Variants in ZNF532 observed in about 807,000 individuals in gnomAD.
ZNF532 encodes the protein zinc finger protein 532.
ZNF532 carries 22 observed loss-of-function variants against 89.3 expected under a neutral mutation model. The ratio of observed to expected loss-of-function variants is 0.25; its 90% CI spans 0.18 to 0.35. The LOEUF is 0.35. ZNF532 is among the 10% of genes least tolerant of loss of function. The pLI is 1.00. For missense variants in ZNF532, 1,132 were observed against 1,643.4 expected (o/e 0.69, Z 5.38); for synonymous variants, 606 against 649.6 (o/e 0.93, Z 1.02).
chr18:58,869,406 A>C (rs1002437663), intron 2 of ZNF532, among the ~76,000 whole-genome samples: 2 of 152,216 alleles, frequency 1.3e-5, no homozygotes, highest in Non-Finnish European at 2.9e-5. Flanking sequence ...GAAACAGAAA[A>C]CTGCAAGTGG....
chr18:58,941,962 CT>C (rs2063095184), intron 5 of ZNF532, among the ~76,000 whole-genome samples: 1 of 133,232 alleles, frequency 7.5e-6, no homozygotes, highest in South Asian at 2.7e-4. Context: ...CTCCCTCCCT[CT>C]CTCCCTCCCT....
At chr18:58,935,782 G>A (rs1221308799) in intron 4 of ZNF532, among the ~76,000 whole-genome samples, 3 of 151,636 alleles carry the variant, frequency 2.0e-5, no homozygotes, top group African/African-American at 7.3e-5. Context: ...TGTATTATAT[G>A]TTTATCTTAA....
At chr18:58,928,471 G>A (rs1415859718) in intron 3 of ZNF532, among the ~76,000 whole-genome samples, 1 of 152,138 alleles carries the variant, frequency 6.6e-6, no homozygotes, top group East Asian at 1.9e-4. Flanking sequence ...GGAATATATG[G>A]TTTTAGCTCG....
intron 9 of ZNF532, among the ~76,000 whole-genome samples, chr18:58,981,827 A>C (rs2067809621): frequency 6.6e-6 from 1 of 151,992 alleles, no homozygotes. Flanking sequence ...ACATGGTGTA[A>C]CCTCATCTCT....
chr18:58,962,294 A>G lies in ZNF532; in HGVS notation c.3150+8495A>G, dbSNP rs146104469. 9.9e-5 allele frequency among the ~76,000 whole-genome samples: 15 copies of G among 152,244 alleles called. No homozygotes were observed. In the East Asian group the frequency reaches 1.7e-3, roughly 18 times the overall value. ...TCGGACACTGGAATGAAAGGAAACTACCAGTGGTAATCTATGTAGTAGCCA... is the reference window on the plus strand; with the variant it reads ...TCGGACACTGGAATGAAAGGAAACTGCCAGTGGTAATCTATGTAGTAGCCA... On this transcript the variant is annotated intron_variant, in intron 7 of 9. Coordinates refer to ENST00000591808, the MANE Select transcript of ZNF532 (RefSeq NM_001375912.1).
intron 3 of ZNF532, among the ~76,000 whole-genome samples, chr18:58,921,623 T>C (rs1235603517): frequency 6.6e-6 from 1 of 152,262 alleles, no homozygotes; most frequent in African/African-American, 2.4e-5. Flanking sequence ...TCAATGTTGG[T>C]GAATTACATT....
intron 2 of ZNF532, among the ~76,000 whole-genome samples, chr18:58,866,542 T>TA (rs2056478183): frequency 1.3e-5 from 2 of 152,170 alleles, no homozygotes; most frequent in Admixed American, 1.3e-4. Context: ...TGGTTTTTGG[T>TA]AAAAGTACAG....
intron 7 of ZNF532, among the ~76,000 whole-genome samples, chr18:58,970,531 T>C (rs563026790): frequency 6.6e-6 from 1 of 152,308 alleles, no homozygotes; most frequent in African/African-American, 2.4e-5. Context: ...AGTCAGGTGG[T>C]CTCTGGTGAA....
intron 2 of ZNF532, among the ~76,000 whole-genome samples, chr18:58,866,539 T>A (rs1757757270): frequency 6.6e-6 from 1 of 152,224 alleles, no homozygotes; most frequent in South Asian, 2.1e-4. Context: ...TGCTGGTTTT[T>A]GGTAAAAGTA....
At chr18:58,890,029 G>A (rs1332955684) in intron 2 of ZNF532, among the ~76,000 whole-genome samples, 1 of 151,874 alleles carries the variant, frequency 6.6e-6, no homozygotes, top group East Asian at 1.9e-4. Flanking sequence ...GTTGTGGTAA[G>A]CCAAGATCGC....
intron 2 of ZNF532, among the ~76,000 whole-genome samples, chr18:58,868,224 A>T (rs1009722687): frequency 2.2e-4 from 34 of 152,348 alleles, no homozygotes; most frequent in African/African-American, 7.9e-4. Flanking sequence ...GGACCATCAG[A>T]ACAAGAACTA....
intron 2 of ZNF532, among the ~76,000 whole-genome samples, chr18:58,896,090 C>T (rs755701623): frequency 6.6e-5 from 10 of 152,120 alleles, no homozygotes; most frequent in South Asian, 2.1e-4. Flanking sequence ...TGGCCTCAAG[C>T]GATCTTCCCA....
intron 3 of ZNF532, among the ~76,000 whole-genome samples, chr18:58,932,027 CTAAG>C (rs1326966752): frequency 1.3e-5 from 2 of 152,128 alleles, no homozygotes; most frequent in South Asian, 4.1e-4. Context: ...GTGGGAGTAA[CTAAG>C]TGTCTGTACG....
intron 4 of ZNF532, among the ~76,000 whole-genome samples, chr18:58,938,129 G>C (rs1408431844): frequency 1.3e-5 from 2 of 152,254 alleles, no homozygotes; most frequent in African/African-American, 4.8e-5. Flanking sequence ...AAGAATAGAA[G>C]CATCTTAGAT....
chr18:58,968,569 C>T (rs2066151302), intron 7 of ZNF532, among the ~76,000 whole-genome samples: 1 of 152,226 alleles, frequency 6.6e-6, no homozygotes, highest in South Asian at 2.1e-4. Flanking sequence ...CTCTCTCAAT[C>T]TCAAGTCCCT....
intron 2 of ZNF532, among the ~76,000 whole-genome samples, chr18:58,900,998 C>T (rs868309182): frequency 6.6e-6 from 1 of 152,112 alleles, no homozygotes; most frequent in African/African-American, 2.4e-5. Context: ...GAAAGAAACT[C>T]GTGAATTCAC....
At chr18:58,959,990 G>A (rs1392469403) in intron 7 of ZNF532, among the ~76,000 whole-genome samples, 1 of 152,088 alleles carries the variant, frequency 6.6e-6, no homozygotes, top group Non-Finnish European at 1.5e-5. Flanking sequence ...CCAAACTGGA[G>A]TGCAGTGGCA....
chr18:58,917,581 G>A (rs2060696751), intron 2 of ZNF532, among the ~76,000 whole-genome samples: 1 of 152,124 alleles, frequency 6.6e-6, no homozygotes, highest in African/African-American at 2.4e-5. Flanking sequence ...TTTAGTAATG[G>A]CTGTGACCAT....
upstream of ZNF532, among the ~76,000 whole-genome samples, chr18:58,863,924 G>C (rs1268916687): frequency 2.0e-5 from 3 of 151,984 alleles, no homozygotes; most frequent in African/African-American, 7.2e-5. Flanking sequence ...CCCTGGGCCT[G>C]CCCGCAGTGG....
Sources: gnomAD v4.1 joint callset for allele counts (sites outside exome capture counted in the v4.1 genomes callset) on GRCh38, gnomAD v4.1.1 for gene constraint, MANE v1.5 for transcripts, NCBI Gene and HGNC (gene_info 2026-07-23, HGNC 2026-07-21) for gene names.